Variants in SDK1 observed in about 807,000 individuals in gnomAD.
SDK1 encodes the protein protein sidekick-1.
A neutral mutation model predicts 245.5 loss-of-function variants in SDK1; 157 were observed. The observed-to-expected ratio is 0.64, with a 90% confidence interval of 0.56 to 0.73. The LOEUF (loss-of-function observed/expected upper bound fraction) is 0.73. SDK1 is among the 30% of genes least tolerant of loss of function. The pLI, the probability that SDK1 is intolerant of heterozygous loss-of-function variation, is 0.00. For synonymous variants in SDK1, 1,647 were observed against 1,278.5 expected, an observed-to-expected ratio of 1.29 and a Z score of -6.15; for missense variants, 3,583 against 3,002.3, an observed-to-expected ratio of 1.19 and a Z score of -4.52.
At chr7:4,264,192 A>G (rs1187311663) in intron 44 of SDK1, among the ~76,000 whole-genome samples, 11 of 65,702 alleles carry the variant, frequency 1.7e-4, no homozygotes, top group East Asian at 4.6e-4. Flanking sequence ...GAGGCCGCGT[A>G]GACCTCTCCT....
chr7:4,078,039 C>T (rs118098534), intron 21 of SDK1, among the ~76,000 whole-genome samples: 3 of 152,292 alleles, frequency 2.0e-5, no homozygotes, highest in African/African-American at 4.8e-5. Flanking sequence ...AGCTGACCTC[C>T]GGAAGGCTGT....
intron 1 of SDK1, among the ~76,000 whole-genome samples, chr7:3,382,343 A>C (rs1390267791): frequency 1.3e-5 from 2 of 152,200 alleles, no homozygotes; most frequent in Non-Finnish European, 2.9e-5. Flanking sequence ...GTGGCTAGTA[A>C]GTGGTGACAC....
At chr7:4,052,629 G>A (rs1778942573) in intron 19 of SDK1, among the ~76,000 whole-genome samples, 1 of 152,118 alleles carries the variant, frequency 6.6e-6, no homozygotes, top group African/African-American at 2.4e-5. Flanking sequence ...TATACTGTAT[G>A]AAATATGAAC....
At chr7:3,945,790 C>T (rs138124939) in intron 5 of SDK1, among the ~76,000 whole-genome samples, 3 of 149,524 alleles carry the variant, frequency 2.0e-5, no homozygotes, top group African/African-American at 7.4e-5. Context: ...TCCCAGCTAC[C>T]CAGGAGGCTG....
Position 3,532,511 on chromosome 7 carries a change from T to C in SDK1, c.299-86569T>C, listed in dbSNP as rs76525628. Among the ~76,000 whole-genome samples, 1,341 of 152,244 alleles carry C rather than the reference T, an allele frequency of 8.8e-3. 21 individuals are homozygous for C. The highest frequency in any genetic ancestry group is 0.03 in the African/African-American group (1,266 of 41,540). ...AGTAAATTGAGCCCTGAGAGTATCA[T>C]GGGAATCACTCAAGCTCACACACAC... is the stretch of plus-strand genomic sequence containing the variant. On this transcript the variant is annotated intron_variant, in intron 1 of 44. Transcript: ENST00000404826.
rs143516029 is a variant in SDK1 at position 3,543,375 on chromosome 7, G to A, written c.299-75705G>A. On this transcript the variant is annotated intron_variant, in intron 1 of 44. Coordinates refer to ENST00000404826, the MANE Select transcript of SDK1 (RefSeq NM_152744.4). ...AAGTGTGAGGATGAAGCCACAGATGGCTAGACTCTGACCCCATAGGGGAGC... is the reference window on the plus strand; with the variant it reads ...AAGTGTGAGGATGAAGCCACAGATGACTAGACTCTGACCCCATAGGGGAGC... 1.3e-3 allele frequency among the ~76,000 whole-genome samples: 203 copies of A among 152,352 alleles called. 4 individuals are homozygous for A. The highest frequency in any genetic ancestry group is 4.6e-3 in the African/African-American group (192 of 41,584).
chr7:3,598,325 A>C (rs1186624955), intron 1 of SDK1, among the ~76,000 whole-genome samples: 1 of 152,206 alleles, frequency 6.6e-6, no homozygotes, highest in Non-Finnish European at 1.5e-5. Flanking sequence ...GCATTATCAG[A>C]ATATTTTCTC....
chr7:4,221,049 C>T (rs923745723), intron 39 of SDK1, among the ~76,000 whole-genome samples, 190 bp from the exon 40 acceptor site: 4 of 152,146 alleles, frequency 2.6e-5, no homozygotes, highest in Non-Finnish European at 5.9e-5. Context: ...GGCTTTCAGG[C>T]GTGAGCCACC....
At chr7:3,575,671 G>A (rs184157817) in intron 1 of SDK1, among the ~76,000 whole-genome samples, 1 of 151,900 alleles carries the variant, frequency 6.6e-6, no homozygotes, top group Non-Finnish European at 1.5e-5. Flanking sequence ...GGCAATAGAT[G>A]TGTTTAGAGA....
chr7:3,622,387 A>G (rs985533037), intron 2 of SDK1, among the ~76,000 whole-genome samples: 1 of 152,172 alleles, frequency 6.6e-6, no homozygotes, highest in African/African-American at 2.4e-5. Context: ...AGGCTGAGGC[A>G]GGAGAATCGC....
At chr7:4,219,168 C>A (rs1226412056) in intron 38 of SDK1, among the ~76,000 whole-genome samples, 1 of 152,186 alleles carries the variant, frequency 6.6e-6, no homozygotes, top group African/African-American at 2.4e-5. Flanking sequence ...TTTTTTAAAT[C>A]CTGGCTTCAG....
intron 22 of SDK1, among the ~76,000 whole-genome samples, chr7:4,105,882 G>T (rs1413545992): frequency 6.6e-6 from 1 of 152,182 alleles, no homozygotes; most frequent in Admixed American, 6.5e-5. Flanking sequence ...TGGAGACTGC[G>T]TGATGCCTCC....
At chr7:3,502,356 T>G (rs11971344) in intron 1 of SDK1, among the ~76,000 whole-genome samples, 14,196 of 152,172 alleles carry the variant, frequency 0.093, 949 homozygotes, top group African/African-American at 0.18. Flanking sequence ...TTCAAGCTAT[T>G]CTCTTGCCTC....
At chr7:3,927,712 C>G (rs767513690) in intron 5 of SDK1, among the ~76,000 whole-genome samples, 2 of 152,212 alleles carry the variant, frequency 1.3e-5, no homozygotes, top group African/African-American at 4.8e-5. Flanking sequence ...CATACTTTGG[C>G]CACTTTGGAG....
chr7:4,054,325 A>G (rs973991308), intron 19 of SDK1, among the ~76,000 whole-genome samples: 1 of 152,214 alleles, frequency 6.6e-6, no homozygotes, highest in African/African-American at 2.4e-5. Flanking sequence ...CATTTAGCCC[A>G]GTTTCTGCCA....
chr7:4,179,927 C>A (rs1782491945), intron 35 of SDK1, among the ~76,000 whole-genome samples: 1 of 151,866 alleles, frequency 6.6e-6, no homozygotes, highest in African/African-American at 2.4e-5. Context: ...GTCTGAACTG[C>A]AAGCAGAAGG....
chr7:4,180,164 C>T (rs1240175063), intron 35 of SDK1, among the ~76,000 whole-genome samples: 1 of 152,118 alleles, frequency 6.6e-6, no homozygotes, highest in African/African-American at 2.4e-5. Flanking sequence ...AGCTCCAGCT[C>T]TATGCCCAGC....
intron 5 of SDK1, among the ~76,000 whole-genome samples, chr7:3,840,661 G>C (rs894191283): frequency 2.0e-5 from 3 of 152,240 alleles, no homozygotes; most frequent in African/African-American, 7.2e-5. Flanking sequence ...AGGTGATGCT[G>C]ATACTGCGGT....
At chr7:3,922,244 G>T (rs1779615378) in intron 5 of SDK1, among the ~76,000 whole-genome samples, 1 of 152,182 alleles carries the variant, frequency 6.6e-6, no homozygotes, top group South Asian at 2.1e-4. Context: ...GCTAAGCTCG[G>T]GCAGCCATGG....
Sources: gnomAD v4.1 joint callset for allele counts (sites outside exome capture counted in the v4.1 genomes callset) on GRCh38, gnomAD v4.1.1 for gene constraint, MANE v1.5 for transcripts, NCBI Gene and HGNC (gene_info 2026-07-23, HGNC 2026-07-21) for gene names.